The following FMNL2 variants were observed in gnomAD, a reference collection of about 807,000 sequenced individuals.
The protein encoded by FMNL2 is formin-like protein 2.
FMNL2 carries 51 observed loss-of-function variants against 130.2 expected under a neutral mutation model. The observed-to-expected ratio is 0.39, with a 90% CI of 0.31 to 0.49. The LOEUF is 0.49. FMNL2 is among the 20% of genes least tolerant of loss of function. The pLI is 0.85. For missense variants in FMNL2, 977 were observed against 1,316.2 expected, an observed-to-expected ratio of 0.74 and a Z score of 3.99; for synonymous variants, 465 against 467.1, an observed-to-expected ratio of 1.00 and a Z score of 0.06.
At chr2:152,474,619 G>C (rs1690043935) in intron 1 of FMNL2, among the ~76,000 whole-genome samples, 1 of 152,144 alleles carries the variant, frequency 6.6e-6, no homozygotes, top group African/African-American at 2.4e-5. Flanking sequence ...CCAGGAGGTA[G>C]AGTTTGCAGT....
At chr2:152,534,943 A>G (rs1369493296) in intron 2 of FMNL2, among the ~76,000 whole-genome samples, 1 of 152,166 alleles carries the variant, frequency 6.6e-6, no homozygotes, top group East Asian at 1.9e-4. Flanking sequence ...TTCAGAGCTG[A>G]AGAATGTTTT....
At position 152,388,511 on chromosome 2, in the gene FMNL2, C is replaced by T. The variant is rs556126277; in HGVS notation, c.117+52791C>T. 2.2e-4 allele frequency among the ~76,000 whole-genome samples: 33 copies of T among 152,186 alleles called. 1 individual carries two copies. The highest frequency in any genetic ancestry group is 1.5e-3 in the South Asian group (7 of 4,812). On this transcript the variant is annotated intron_variant, in intron 1 of 25. Coordinates refer to ENST00000288670, the MANE Select transcript of FMNL2 (RefSeq NM_052905.4). ...AGAACAGCATGAGCCTAACTACCCC[C>T]GTGATTCAATTACCTTCCACCGAGT... is the stretch of plus-strand genomic sequence containing the variant.
intron 8 of FMNL2, among the ~76,000 whole-genome samples, chr2:152,579,759 T>C (rs1696677942): frequency 6.6e-6 from 1 of 152,350 alleles, no homozygotes; most frequent in South Asian, 2.1e-4. Context: ...CCTTTCATAT[T>C]CACCACCTTG....
At chr2:152,590,415 C>T (rs977174310) in intron 9 of FMNL2, among the ~76,000 whole-genome samples, 5 of 152,098 alleles carry the variant, frequency 3.3e-5, no homozygotes, top group Non-Finnish European at 5.9e-5. Context: ...GTCAGTAGTT[C>T]GAGACCAGCC....
chr2:152,612,625 CT>C (rs909549491), intron 11 of FMNL2, among the ~76,000 whole-genome samples: 2 of 151,866 alleles, frequency 1.3e-5, no homozygotes, highest in African/African-American at 4.8e-5. Context: ...AATTTCCTTC[CT>C]TTTTTTTGAG....
chr2:152,581,556 C>A (rs1182643682), intron 9 of FMNL2, among the ~76,000 whole-genome samples: 1 of 152,132 alleles, frequency 6.6e-6, no homozygotes, highest in Non-Finnish European at 1.5e-5. Context: ...ACTGTCTGAC[C>A]ACAAAGAAAG....
At chr2:152,590,093 C>T (rs916535078) in intron 9 of FMNL2, among the ~76,000 whole-genome samples, 1 of 147,878 alleles carries the variant, frequency 6.8e-6, no homozygotes, top group Non-Finnish European at 1.5e-5. Flanking sequence ...GCTATGTTGC[C>T]CAGGCTCATT....
chr2:152,416,561 A>G (rs778707109), intron 1 of FMNL2, among the ~76,000 whole-genome samples: 1 of 152,214 alleles, frequency 6.6e-6, no homozygotes, highest in Non-Finnish European at 1.5e-5. Context: ...GACCAAAGCT[A>G]GAATCAAATA....
chr2:152,543,161 T>G (rs749609804), intron 3 of FMNL2, among the ~76,000 whole-genome samples: 11 of 152,334 alleles, frequency 7.2e-5, no homozygotes, highest in African/African-American at 2.6e-4. Flanking sequence ...CTTTCAGTTT[T>G]TTATGCCTTG....
chr2:152,494,145 G>A (rs1414672739), intron 1 of FMNL2, among the ~76,000 whole-genome samples: 4 of 152,188 alleles, frequency 2.6e-5, no homozygotes, highest in Non-Finnish European at 5.9e-5. Flanking sequence ...TCTGGAAGAC[G>A]GTATGATAAA....
chr2:152,417,374 GA>G (rs1396794875), intron 1 of FMNL2, among the ~76,000 whole-genome samples: 1 of 152,182 alleles, frequency 6.6e-6, no homozygotes, highest in African/African-American at 2.4e-5. Flanking sequence ...GATGTGGAGA[GA>G]AAATTCCTTG....
At chr2:152,646,706 T>C (rs954355433) in intron 25 of FMNL2, among the ~76,000 whole-genome samples, 4 of 152,210 alleles carry the variant, frequency 2.6e-5, no homozygotes, top group African/African-American at 9.7e-5. Context: ...ATTCTGTTAT[T>C]TGTTTGTATT....
intron 1 of FMNL2, among the ~76,000 whole-genome samples, chr2:152,466,625 A>G (rs1689556228): frequency 6.6e-6 from 1 of 152,220 alleles, no homozygotes; most frequent in Non-Finnish European, 1.5e-5. Flanking sequence ...ATGGCAAAAG[A>G]CCATCCTATT....
intron 1 of FMNL2, among the ~76,000 whole-genome samples, chr2:152,392,512 A>G (rs1685171010): frequency 6.6e-6 from 1 of 152,180 alleles, no homozygotes; most frequent in African/African-American, 2.4e-5. Flanking sequence ...GAAGTCCACG[A>G]TCAAGGTGCC....
chr2:152,349,473 T>C (rs1184993393), intron 1 of FMNL2, among the ~76,000 whole-genome samples: 1 of 152,254 alleles, frequency 6.6e-6, no homozygotes, highest in African/African-American at 2.4e-5. Flanking sequence ...TTCTTTCTAC[T>C]GCACTACACT....
chr2:152,476,534 A>G (rs1232256091), intron 1 of FMNL2, among the ~76,000 whole-genome samples: 1 of 152,034 alleles, frequency 6.6e-6, no homozygotes, highest in Non-Finnish European at 1.5e-5. Context: ...TTAGTCGGGC[A>G]TGGTGACGCT....
intron 2 of FMNL2, among the ~76,000 whole-genome samples, chr2:152,530,869 G>T (rs1380465232): frequency 6.6e-6 from 1 of 152,152 alleles, no homozygotes; most frequent in African/African-American, 2.4e-5. Context: ...AGGTAAGTTG[G>T]TTTAAATTTC....
At chr2:152,429,372 G>A (rs1435750008) in intron 1 of FMNL2, among the ~76,000 whole-genome samples, 1 of 152,092 alleles carries the variant, frequency 6.6e-6, no homozygotes, top group African/African-American at 2.4e-5. Flanking sequence ...CCTAGTGAAG[G>A]GTCTAGCTGT....
chr2:152,559,712 G>A (rs73968079), intron 5 of FMNL2, among the ~76,000 whole-genome samples: 3,835 of 152,258 alleles, frequency 0.025, 165 homozygotes, highest in African/African-American at 0.084. Context: ...GTAGCCTAGC[G>A]AGGGCATCAA....
Sources: gnomAD v4.1 joint callset for allele counts (sites outside exome capture counted in the v4.1 genomes callset) on GRCh38, gnomAD v4.1.1 for gene constraint, MANE v1.5 for transcripts, NCBI Gene and HGNC (gene_info 2026-07-23, HGNC 2026-07-21) for gene names.